The following HACE1 variants were observed in gnomAD, a reference collection of about 807,000 sequenced individuals.
HACE1 encodes E3 ubiquitin-protein ligase HACE1.
In HACE1, 73 loss-of-function variants were observed where a neutral mutation model predicts 118.4. The ratio of observed to expected loss-of-function variants is 0.62; its 90% confidence interval spans 0.51 to 0.75. The LOEUF (loss-of-function observed/expected upper bound fraction) is 0.75. Ranked by LOEUF, HACE1 falls within the 30% of genes least tolerant of loss-of-function variation. HACE1 has a pLI of 0.00. For missense variants in HACE1, 749 were observed against 1,102.2 expected (o/e 0.68, Z 4.54); for synonymous variants, 368 against 374.8 (o/e 0.98, Z 0.21).
chr6:104,851,402 C>G (rs1439916493), intron 2 of HACE1, among the ~76,000 whole-genome samples: 1 of 152,168 alleles, frequency 6.6e-6, no homozygotes, highest in Non-Finnish European at 1.5e-5. Flanking sequence ...TCTGATTCTT[C>G]AGGTTTTGTC....
intron 6 of HACE1, among the ~76,000 whole-genome samples, chr6:104,812,511 C>T (rs559957602): frequency 1.4e-4 from 21 of 152,214 alleles, no homozygotes; most frequent in African/African-American, 4.8e-4. Flanking sequence ...ATCTGTTCAT[C>T]TTTTTTGCCG....
chr6:104,772,515 C>T lies in HACE1; in HGVS notation c.1865-441G>A, dbSNP rs200157115. Among the ~76,000 whole-genome samples, 4 of 152,292 alleles carry T rather than the reference C, an allele frequency of 2.6e-5. No homozygotes were observed. In the East Asian group the frequency reaches 7.7e-4, roughly 29 times the overall value. ...TATGTGCCAGTGCAGTAAGTATTTG[C>T]TAGTTTTTGCTGCTTCAGGAGTAGA... On this transcript the variant is annotated intron_variant, in intron 17 of 23. Transcript: ENST00000262903.
At chr6:104,730,276 G>C (rs1390943205) in intron 23 of HACE1, 27 bp downstream of exon 23, 1 of 1,013,596 alleles carries the variant, frequency 9.9e-7, no homozygotes. Context: ...AATTTGTAAA[G>C]CATTTAAATA....
At chr6:104,782,172 A>G (rs867652135) in intron 14 of HACE1, among the ~76,000 whole-genome samples, 27 of 152,320 alleles carry the variant, frequency 1.8e-4, no homozygotes, top group Non-Finnish European at 2.9e-4. Flanking sequence ...GCCCCAGAAC[A>G]GTATCATACA....
intron 7 of HACE1, among the ~76,000 whole-genome samples, chr6:104,807,058 CTG>C (rs914995941): frequency 1.4e-5 from 2 of 141,288 alleles, no homozygotes; most frequent in African/African-American, 5.3e-5. Context: ...GAGTCTCACT[CTG>C]TTGCCCAGGC....
intron 7 of HACE1, among the ~76,000 whole-genome samples, chr6:104,797,490 A>T (rs988327023): frequency 1.6e-5 from 2 of 128,302 alleles, no homozygotes; most frequent in Non-Finnish European, 3.1e-5. Context: ...AATACTTTGT[A>T]AAAAAAAAAA....
At chr6:104,826,030 G>A (rs1773293796) in intron 6 of HACE1, among the ~76,000 whole-genome samples, 1 of 152,228 alleles carries the variant, frequency 6.6e-6, no homozygotes, top group Non-Finnish European at 1.5e-5. Flanking sequence ...GCCTCCTGTC[G>A]GATCAGCAGC....
intron 11 of HACE1, chr6:104,786,842 C>A (rs994209076): frequency 6.6e-5 from 10 of 152,078 alleles, no homozygotes; most frequent in South Asian, 2.1e-4. Context: ...ACACCATGTG[C>A]TACAGAAAGA....
intron 22 of HACE1, among the ~76,000 whole-genome samples, chr6:104,743,382 G>GA (rs1468112331): frequency 6.6e-6 from 1 of 151,568 alleles, no homozygotes; most frequent in African/African-American, 2.4e-5. Flanking sequence ...TAAATATGCA[G>GA]AAAAAACATA....
At chr6:104,740,177 G>C (rs1776477764) in intron 22 of HACE1, among the ~76,000 whole-genome samples, 1 of 142,856 alleles carries the variant, frequency 7.0e-6, no homozygotes, top group Non-Finnish European at 1.5e-5. Context: ...AGTGTGTAGA[G>C]GGAAATTTAT....
intron 6 of HACE1, among the ~76,000 whole-genome samples, chr6:104,828,821 T>C (rs1773580941): frequency 6.6e-6 from 1 of 152,058 alleles, no homozygotes. Context: ...CCTTAAAAAA[T>C]GTAATATAAA....
chr6:104,737,203 A>T (rs1213956433), intron 22 of HACE1, among the ~76,000 whole-genome samples: 1 of 148,948 alleles, frequency 6.7e-6, no homozygotes. Context: ...GAGGCAGGAG[A>T]ATCACTTGAA....
At chr6:104,734,142 CAAAAAAAAAAA>C (rs11370746) in intron 22 of HACE1, among the ~76,000 whole-genome samples, 2 of 87,174 alleles carry the variant, frequency 2.3e-5, no homozygotes, top group Admixed American at 2.7e-4. Context: ...GACTCTTCCT[CAAAAAAAAAAA>C]AAAAAAAAAG....
At chr6:104,825,817 T>G (rs951017623) in intron 6 of HACE1, among the ~76,000 whole-genome samples, 18 of 152,248 alleles carry the variant, frequency 1.2e-4, no homozygotes, top group Non-Finnish European at 2.5e-4. Flanking sequence ...ATTACTTGTT[T>G]GTGTATTTTG....
At chr6:104,737,183 T>A (rs1350397737) in intron 22 of HACE1, among the ~76,000 whole-genome samples, 4 of 146,040 alleles carry the variant, frequency 2.7e-5, no homozygotes, top group Non-Finnish European at 4.5e-5. Context: ...TCCCAACTAC[T>A]TGGGAGGCTG....
chr6:104,853,649 GGAAAAA>G (rs1238675228), intron 1 of HACE1, among the ~76,000 whole-genome samples: 1 of 152,006 alleles, frequency 6.6e-6, no homozygotes, highest in Non-Finnish European at 1.5e-5. Flanking sequence ...TAATTACAAA[GGAAAAA>G]GAAAATTTAT....
At chr6:104,801,160 T>C (rs1404224957) in intron 7 of HACE1, among the ~76,000 whole-genome samples, 2 of 151,614 alleles carry the variant, frequency 1.3e-5, no homozygotes, top group Non-Finnish European at 2.9e-5. Context: ...AAAGACAAGA[T>C]TAGAGAAAAA....
chr6:104,743,748 T>A (rs1777091990), intron 22 of HACE1, among the ~76,000 whole-genome samples: 1 of 152,100 alleles, frequency 6.6e-6, no homozygotes, highest in Non-Finnish European at 1.5e-5. Context: ...ACAGAAAAAC[T>A]GTTGTGTATG....
intron 6 of HACE1, chr6:104,824,927 C>G (rs1024260111): frequency 6.8e-6 from 1 of 147,294 alleles, no homozygotes; most frequent in Non-Finnish European, 1.5e-5. Flanking sequence ...AAAAAAAATA[C>G]AAAAAATTAG....
Sources: allele counts gnomAD v4.1 joint callset (sites outside exome capture counted in the v4.1 genomes callset), GRCh38; gene constraint gnomAD v4.1.1; transcripts MANE v1.5; gene names NCBI Gene and HGNC (gene_info 2026-07-23, HGNC 2026-07-21).